The following TBC1D5 variants were observed in gnomAD, a reference collection of about 807,000 sequenced individuals.
TBC1D5 encodes the protein TBC1 domain family member 5, also known as TBC1 domain family, member 5.
Under a neutral mutation model 100.3 loss-of-function variants are expected in TBC1D5, and 75 were observed. The observed-to-expected ratio is 0.75, with a 90% CI of 0.62 to 0.91. TBC1D5 has a LOEUF of 0.91. Among genes scored for constraint, TBC1D5 ranks in the 40% least tolerant of loss-of-function variants. The pLI is 0.00. For missense variants in TBC1D5, 910 were observed against 942.4 expected (o/e 0.97, Z 0.45); for synonymous variants, 323 against 325.6 (o/e 0.99, Z 0.09).
intron 15 of TBC1D5, among the ~76,000 whole-genome samples, chr3:17,273,809 C>CA (rs11450142): frequency 0.5 from 56,947 of 114,798 alleles, 13,318 homozygotes; most frequent in Middle Eastern, 0.62. Context: ...CTCTGTATCT[C>CA]AAAAAAAAAA....
At chr3:17,465,709 T>C (rs1392157832) in intron 3 of TBC1D5, among the ~76,000 whole-genome samples, 1 of 152,238 alleles carries the variant, frequency 6.6e-6, no homozygotes, top group Non-Finnish European at 1.5e-5. Context: ...AAACAGGGTA[T>C]ATGTGCTGTT....
At chr3:17,212,864 G>A (rs1243554453) in intron 18 of TBC1D5, among the ~76,000 whole-genome samples, 1 of 152,080 alleles carries the variant, frequency 6.6e-6, no homozygotes, top group Non-Finnish European at 1.5e-5. Context: ...AAAAATAAAA[G>A]TTTATAAAGT....
chr3:17,469,602 G>A (rs2095349615), intron 3 of TBC1D5, among the ~76,000 whole-genome samples: 1 of 151,916 alleles, frequency 6.6e-6, no homozygotes, highest in African/African-American at 2.4e-5. Flanking sequence ...ACACCAGAAT[G>A]AGGAATAAAG....
intron 3 of TBC1D5, among the ~76,000 whole-genome samples, chr3:17,480,784 G>A (rs145575345): frequency 6.7e-4 from 102 of 152,138 alleles, no homozygotes; most frequent in Non-Finnish European, 1.2e-3. Flanking sequence ...ACCTGCCTAC[G>A]GAAAGGAGCT....
chr3:17,662,482 G>A (rs2066759709), intron 1 of TBC1D5, among the ~76,000 whole-genome samples: 1 of 152,162 alleles, frequency 6.6e-6, no homozygotes, highest in South Asian at 2.1e-4. Context: ...ATATTTTACA[G>A]CAATTTGACA....
At chr3:17,548,246 C>T (rs1409160052) in intron 2 of TBC1D5, among the ~76,000 whole-genome samples, 3 of 151,972 alleles carry the variant, frequency 2.0e-5, no homozygotes, top group Non-Finnish European at 2.9e-5. Flanking sequence ...ATCCAGGAGG[C>T]GGAGGTTGCA....
At chr3:17,569,741 G>A (rs997038018) in intron 2 of TBC1D5, among the ~76,000 whole-genome samples, 3 of 150,736 alleles carry the variant, frequency 2.0e-5, no homozygotes, top group Admixed American at 2.0e-4. Flanking sequence ...GACAGAGAAA[G>A]TACTACTGAT....
At chr3:17,277,915 C>T (rs1236452851) in intron 15 of TBC1D5, among the ~76,000 whole-genome samples, 1 of 152,152 alleles carries the variant, frequency 6.6e-6, no homozygotes, top group African/African-American at 2.4e-5. Flanking sequence ...CAAACGATCT[C>T]TAGAGTTTTA....
chr3:17,639,319 C>T (rs556515597), intron 1 of TBC1D5, among the ~76,000 whole-genome samples: 1 of 151,984 alleles, frequency 6.6e-6, no homozygotes, highest in African/African-American at 2.4e-5. Context: ...CCAGAAAAGG[C>T]AAAGCTATAA....
rs115078191 is a variant in TBC1D5, at chr3:17,216,248, A to G, written c.1589-1878T>C. ...CAGGATCTGCCTCAGGTTTTGAACT[A>G]ACATCATGCTCTTCTCAGGGTGGTT... is the stretch of plus-strand genomic sequence containing the variant. On this transcript the variant is annotated intron_variant, in intron 17 of 21. Transcript: ENST00000253692. Among the ~76,000 whole-genome samples, 1,394 of 152,196 alleles carry G rather than the reference A, an allele frequency of 9.2e-3. 23 individuals are homozygous for G. The highest frequency in any genetic ancestry group is 0.031 in the African/African-American group (1,301 of 41,526).
At chr3:17,536,316 A>G (rs1242712244) in intron 2 of TBC1D5, among the ~76,000 whole-genome samples, 1 of 152,218 alleles carries the variant, frequency 6.6e-6, no homozygotes, top group Non-Finnish European at 1.5e-5. Flanking sequence ...ATGTTAGTAT[A>G]ATCTACAAAG....
At chr3:17,215,702 C>T (rs959030318) in intron 17 of TBC1D5, among the ~76,000 whole-genome samples, 11 of 152,078 alleles carry the variant, frequency 7.2e-5, no homozygotes, top group African/African-American at 1.7e-4. Flanking sequence ...CACAGATTGG[C>T]CCCTTGGAAA....
intron 19 of TBC1D5, among the ~76,000 whole-genome samples, chr3:17,176,475 T>C (rs2067744447): frequency 6.6e-6 from 1 of 152,348 alleles, no homozygotes; most frequent in East Asian, 1.9e-4. Flanking sequence ...AGTATGACTA[T>C]AATTGTTAGA....
intron 2 of TBC1D5, among the ~76,000 whole-genome samples, chr3:17,538,519 G>A (rs1365799216): frequency 6.6e-6 from 1 of 152,152 alleles, no homozygotes; most frequent in African/African-American, 2.4e-5. Context: ...CAAGTGTACT[G>A]CTTCCTTTCA....
chr3:17,233,868 GA>G (rs1281690645), intron 17 of TBC1D5, 118 bp from the exon 18 acceptor site: 1 of 533,146 alleles, frequency 1.9e-6, no homozygotes, highest in Non-Finnish European at 3.3e-6. Flanking sequence ...TAGTACAAAA[GA>G]AAATAATGCA....
intron 1 of TBC1D5, among the ~76,000 whole-genome samples, chr3:17,654,974 G>A (rs1261352408): frequency 6.6e-6 from 1 of 151,700 alleles, no homozygotes; most frequent in Non-Finnish European, 1.5e-5. Context: ...TTCTCTGATG[G>A]TAGTTTGTAT....
At chr3:17,576,745 A>G (rs1410852538) in intron 2 of TBC1D5, among the ~76,000 whole-genome samples, 3 of 152,004 alleles carry the variant, frequency 2.0e-5, no homozygotes, top group Admixed American at 1.3e-4. Context: ...GTCTCCCTTC[A>G]AAGTACCCAT....
chr3:17,657,148 AC>A (rs2066151263), intron 1 of TBC1D5, among the ~76,000 whole-genome samples: 1 of 151,948 alleles, frequency 6.6e-6, no homozygotes. Context: ...AAACAAACAA[AC>A]AAAAAACCTG....
intron 2 of TBC1D5, among the ~76,000 whole-genome samples, chr3:17,611,955 T>C (rs1186364273): frequency 2.0e-5 from 3 of 152,198 alleles, no homozygotes; most frequent in African/African-American, 7.2e-5. Flanking sequence ...CTATTCTGAA[T>C]ATTATTTGTT....
Sources: gnomAD v4.1 joint callset for allele counts (sites outside exome capture counted in the v4.1 genomes callset) on GRCh38, gnomAD v4.1.1 for gene constraint, MANE v1.5 for transcripts, NCBI Gene and HGNC (gene_info 2026-07-23, HGNC 2026-07-21) for gene names.